DMD: variants seen among roughly 807,000 people sequenced by gnomAD.
DMD encodes the protein mutant dystrophin.
Under a neutral mutation model 330.1 loss-of-function variants are expected in DMD, and 63 were observed. The observed-to-expected ratio is 0.19, with a 90% confidence interval of 0.16 to 0.24. The LOEUF is 0.24. Among genes scored for constraint, DMD ranks in the 10% least tolerant of loss-of-function variants. The probability of loss-of-function intolerance (pLI) is 1.00; values close to 1 mark genes in which losing one functional copy is unlikely to be tolerated. For missense variants in DMD, 3,344 were observed against 2,684.1 expected (o/e 1.25, Z -5.43); for synonymous variants, 1,223 against 959.8 (o/e 1.27, Z -5.07).
chrX:32,364,465 G>A (rs1008687571), intron 36 of DMD, 117 bp downstream of exon 36: 7 of 861,145 alleles, frequency 8.1e-6, no homozygotes, highest in Non-Finnish European at 1.2e-5. Context: ...AAAGATAAAG[G>A]AAGGAAGAAA....
rs748522625 is a variant in DMD at position 32,429,511 on chromosome X, G to A, written c.4071+8730C>T. On this transcript the variant is annotated intron_variant, in intron 29 of 78. Coordinates refer to ENST00000357033, the MANE Select transcript of DMD (RefSeq NM_004006.3). ...ATTAAGGCATGAGCTACCACGCCCG[G>A]CCGCTGGTATTTTTCTACCATCTAT... is the stretch of plus-strand genomic sequence containing the variant. Among the ~76,000 whole-genome samples, 3 of 102,293 alleles carry A rather than the reference G, an allele frequency of 2.9e-5. No individual in the cohort carries two copies. In the South Asian group the frequency reaches 1.4e-3, roughly 48 times the overall value. 88.8% of individuals were successfully genotyped at this position (102,293 alleles called of 115,157 possible). A position where few individuals can be genotyped will look rare whatever the true frequency, so the allele number is the denominator to read the frequency against.
intron 2 of DMD, among the ~76,000 whole-genome samples, chrX:32,910,331 T>A (rs775091859): frequency 1.4e-4 from 16 of 112,090 alleles, no homozygotes; most frequent in Admixed American, 1.4e-3. Context: ...ACATAATATT[T>A]TCTTGATGAT....
chrX:31,201,158 TACACACACACACACACACAC>T (rs57235865), intron 67 of DMD, among the ~76,000 whole-genome samples: 9 of 98,280 alleles, frequency 9.2e-5, no homozygotes, highest in African/African-American at 1.5e-4. Flanking sequence ...AGAGACCCTG[TACACACACACACACACACAC>T]ACACACACAC....
chrX:32,573,030 G>C (rs1238572201), intron 15 of DMD, among the ~76,000 whole-genome samples: 1 of 111,344 alleles, frequency 9.0e-6, no homozygotes, highest in Non-Finnish European at 1.9e-5. Flanking sequence ...GCAGATGCTG[G>C]TGTCATGCTT....
At chrX:31,538,819 C>G (rs779227474) in intron 55 of DMD, among the ~76,000 whole-genome samples, 28 of 110,618 alleles carry the variant, frequency 2.5e-4, no homozygotes, top group Non-Finnish European at 3.0e-4. Context: ...TTTGTGGAAG[C>G]AGAGGGCCAT....
At chrX:32,723,615 C>T (rs1172983981) in intron 7 of DMD, among the ~76,000 whole-genome samples, 1 of 111,059 alleles carries the variant, frequency 9.0e-6, no homozygotes, top group African/African-American at 3.3e-5. Flanking sequence ...CAGTTAATGG[C>T]ATTGTATTGT....
At chrX:33,086,587 G>A (rs2095009611) in intron 1 of DMD, among the ~76,000 whole-genome samples, 2 of 109,699 alleles carry the variant, frequency 1.8e-5, no homozygotes, top group African/African-American at 6.6e-5. Context: ...GATGTGAAAG[G>A]CCCCCTAAAG....
chrX:32,730,737 A>G (rs2067489143), intron 7 of DMD, among the ~76,000 whole-genome samples: 1 of 112,365 alleles, frequency 8.9e-6, no homozygotes, highest in East Asian at 2.8e-4. Context: ...TGATGAAATT[A>G]GTATTTTATT....
chrX:31,883,795 T>G (rs900142832), intron 47 of DMD, among the ~76,000 whole-genome samples: 2 of 111,353 alleles, frequency 1.8e-5, no homozygotes, highest in Admixed American at 9.6e-5. Flanking sequence ...TGATTTTGTA[T>G]GCATATTTTA....
At chrX:32,243,483 G>T (rs915393200) in intron 43 of DMD, among the ~76,000 whole-genome samples, 1 of 111,914 alleles carries the variant, frequency 8.9e-6, no homozygotes, top group Non-Finnish European at 1.9e-5. Flanking sequence ...TGAGAGGAAG[G>T]ACATATTTGA....
rs1316450405 is a variant in DMD, at chrX:31,558,412, A to G, written c.8218-50959T>C. On this transcript the variant is annotated intron_variant, in intron 55 of 78. Coordinates refer to ENST00000357033, the MANE Select transcript of DMD (RefSeq NM_004006.3). Reference sequence around the variant, plus strand: ...GCAGATCCCTTGGGGATTGTCTTACAATGGCGGATTCTGATTCAACAGTTC... The same window carrying G: ...GCAGATCCCTTGGGGATTGTCTTACGATGGCGGATTCTGATTCAACAGTTC... 3.6e-5 allele frequency among the ~76,000 whole-genome samples: 4 copies of G among 111,010 alleles called. No individual in the cohort carries two copies. The Admixed American group carries it at 3.9e-4, about 11-fold the overall frequency.
chrX:33,005,635 A>C (rs1378711291), intron 2 of DMD, among the ~76,000 whole-genome samples: 1 of 110,277 alleles, frequency 9.1e-6, no homozygotes, highest in Non-Finnish European at 1.9e-5. Context: ...AAAATGAACA[A>C]AAACACCTAT....
chrX:32,634,895 C>T lies in DMD; in HGVS notation c.1331+9237G>A, dbSNP rs760538326. Among the ~76,000 whole-genome samples, 511 of 111,647 alleles carry T rather than the reference C, an allele frequency of 4.6e-3. 4 individuals carry two copies. Among genetic ancestry groups the T allele is most frequent in the Non-Finnish European group, 7.5e-3 (396 of 53,102 alleles). ...ATCCCAAGTCCACTGACTCTGAGCC[C>T]GGCACAGCACCAGGACTTGCAAAGG... On this transcript the variant is annotated intron_variant, in intron 11 of 78. Transcript: ENST00000357033.
chrX:32,434,179 A>G (rs1401176931), intron 29 of DMD, among the ~76,000 whole-genome samples: 4 of 112,455 alleles, frequency 3.6e-5, no homozygotes, highest in Non-Finnish European at 7.5e-5. Flanking sequence ...AATTGCAGCT[A>G]TAAGAAACAT....
intron 7 of DMD, among the ~76,000 whole-genome samples, chrX:32,701,111 A>T (rs1329143611): frequency 8.9e-6 from 1 of 112,261 alleles, no homozygotes; most frequent in East Asian, 2.8e-4. Flanking sequence ...ACAGAATCTG[A>T]TTCAATAGAT....
At chrX:31,212,208 G>A (rs184890947) in intron 64 of DMD, among the ~76,000 whole-genome samples, 68 of 106,031 alleles carry the variant, frequency 6.4e-4, no homozygotes, top group African/African-American at 2.3e-3. Flanking sequence ...GTGTTTGTGT[G>A]TATTCACTAG....
At chrX:31,246,055 G>T (rs1032018205) in intron 63 of DMD, among the ~76,000 whole-genome samples, 8 of 112,022 alleles carry the variant, frequency 7.1e-5, no homozygotes, top group African/African-American at 2.6e-4. Flanking sequence ...GAATGCAAAG[G>T]AAAAGTTAAT....
At chrX:32,563,346 A>C (rs1233065051) in intron 16 of DMD, among the ~76,000 whole-genome samples, 49 of 99,822 alleles carry the variant, frequency 4.9e-4, no homozygotes, top group Non-Finnish European at 3.8e-4. Context: ...CCATCTCAAA[A>C]AAAAAAAAAA....
chrX:32,364,605 G>C lies in DMD; in HGVS notation c.5131C>G (p.Gln1711Glu). The C allele has an allele frequency of 8.3e-7, 1 of 1,210,811 alleles. No homozygotes were observed. The highest frequency in any genetic ancestry group is 1.8e-5 in the South Asian group (1 of 57,000). ...LLDESEKKKPQQKEDVLKRLK... is the reference protein window; with the variant it reads ...LLDESEKKKPEQKEDVLKRLK... Reference sequence around the variant, plus strand: ...ACCTTAAGCACGTCTTCTTTTTGCTGGGGTTTCTTTTTCTCTGATTCATCC... The same window carrying C: ...ACCTTAAGCACGTCTTCTTTTTGCTCGGGTTTCTTTTTCTCTGATTCATCC... Residue 1711 changes from glutamine to glutamate, a missense_variant, in exon 36 of 79, where the codon CAG (glutamine) becomes GAG (glutamate). By Grantham distance (29) the Gln-to-Glu change is conservative (BLOSUM62 2). Coordinates refer to ENST00000357033, the MANE Select transcript of DMD (RefSeq NM_004006.3).
Sources: allele counts gnomAD v4.1 joint callset (sites outside exome capture counted in the v4.1 genomes callset), GRCh38; gene constraint gnomAD v4.1.1; transcripts MANE v1.5; gene names NCBI Gene and HGNC (gene_info 2026-07-23, HGNC 2026-07-21).